The following KIF5C variants were observed in gnomAD, a reference collection of about 807,000 sequenced individuals.
KIF5C encodes the protein kinesin heavy chain isoform 5C.
Under a neutral mutation model 125.2 loss-of-function variants are expected in KIF5C, and 18 were observed. That is an observed-to-expected ratio of 0.14 (90% CI 0.10 to 0.21). KIF5C has a LOEUF of 0.21. Ranked by LOEUF, KIF5C falls within the 10% of genes least tolerant of loss-of-function variation. The probability of loss-of-function intolerance (pLI) is 1.00; values close to 1 mark genes in which losing one functional copy is unlikely to be tolerated. For synonymous variants in KIF5C, 405 were observed against 434.0 expected, an observed-to-expected ratio of 0.93 and a Z score of 0.83; for missense variants, 780 against 1,183.8, an observed-to-expected ratio of 0.66 and a Z score of 5.01.
chr2:148,949,658 A>G (rs1299871864), intron 8 of KIF5C, among the ~76,000 whole-genome samples, 181 bp from the exon 9 acceptor site: 1 of 152,192 alleles, frequency 6.6e-6, no homozygotes, highest in Non-Finnish European at 1.5e-5. Flanking sequence ...TGATGGCAGG[A>G]GAGACCAAAT....
chr2:148,931,451 A>G (rs1395366350), intron 3 of KIF5C, among the ~76,000 whole-genome samples: 2 of 151,870 alleles, frequency 1.3e-5, no homozygotes, highest in East Asian at 3.9e-4. Flanking sequence ...CACATAGGTC[A>G]GGAGTTCGAG....
At chr2:149,014,343 C>G (rs907915598) in intron 25 of KIF5C, among the ~76,000 whole-genome samples, 8 of 152,178 alleles carry the variant, frequency 5.3e-5, no homozygotes, top group African/African-American at 1.9e-4. Flanking sequence ...TGTTTCTTTA[C>G]TCAAAGTGTT....
At chr2:148,935,950 G>A (rs1486890855) in intron 3 of KIF5C, among the ~76,000 whole-genome samples, 3 of 152,162 alleles carry the variant, frequency 2.0e-5, no homozygotes, top group Non-Finnish European at 4.4e-5. Flanking sequence ...ATAGATAAGG[G>A]CATTCCAGAG....
intron 10 of KIF5C, among the ~76,000 whole-genome samples, chr2:148,956,998 A>G (rs535164915): frequency 2.4e-4 from 37 of 152,350 alleles, no homozygotes; most frequent in African/African-American, 8.7e-4. Flanking sequence ...TTGTTTCTCT[A>G]TATCAAAGAG....
chr2:148,904,440 A>G (rs976473497), intron 1 of KIF5C, among the ~76,000 whole-genome samples: 4 of 152,214 alleles, frequency 2.6e-5, no homozygotes, highest in African/African-American at 9.7e-5. Flanking sequence ...TGAACAGCAC[A>G]TATATGAGGA....
At chr2:148,988,109 A>G (rs949438872) in intron 15 of KIF5C, among the ~76,000 whole-genome samples, 5 of 151,854 alleles carry the variant, frequency 3.3e-5, no homozygotes, top group Admixed American at 6.6e-5. Context: ...TGGGGGCATT[A>G]TCAGACTCTG....
In KIF5C at chr2:148,949,831, T is replaced by C. The variant is rs373057800; in HGVS notation, c.715-8T>C. On this transcript the variant is annotated splice_region_variant and splice_polypyrimidine_tract_variant and intron_variant, in intron 8 of 25. Transcript: ENST00000435030. ...GTGCTGCTCACTGCTTTCTTTTCTC[T>C]CTGGTAGGTCAGCAAAACTGGTGCC... 1 of 1,613,446 alleles carries C rather than the reference T, an allele frequency of 6.2e-7. No homozygotes were observed. Among genetic ancestry groups the C allele is most frequent in the African/African-American group, 1.3e-5 (1 of 75,050 alleles).
intron 10 of KIF5C, among the ~76,000 whole-genome samples, chr2:148,956,448 G>A (rs1682794500): frequency 6.6e-6 from 1 of 152,144 alleles, no homozygotes; most frequent in Non-Finnish European, 1.5e-5. Flanking sequence ...TGTCCACTAG[G>A]CTTGGTCTGC....
chr2:148,902,280 T>C (rs1393496107), intron 1 of KIF5C, among the ~76,000 whole-genome samples: 1 of 152,094 alleles, frequency 6.6e-6, no homozygotes, highest in Non-Finnish European at 1.5e-5. Flanking sequence ...CCTGAATGGC[T>C]CAACAGGGGG....
chr2:148,949,360 T>A (rs1262618254), intron 8 of KIF5C, among the ~76,000 whole-genome samples: 4 of 152,222 alleles, frequency 2.6e-5, no homozygotes, highest in Non-Finnish European at 5.9e-5. Flanking sequence ...GGACTCTAGA[T>A]AACCAACCCT....
intron 1 of KIF5C, among the ~76,000 whole-genome samples, chr2:148,911,847 G>C (rs185172914): frequency 1.3e-5 from 2 of 152,152 alleles, no homozygotes; most frequent in East Asian, 3.9e-4. Context: ...TTGGATAGTA[G>C]GTTTAAACTA....
chr2:148,906,787 GC>G (rs1390560784), intron 1 of KIF5C, among the ~76,000 whole-genome samples: 1 of 152,092 alleles, frequency 6.6e-6, no homozygotes, highest in African/African-American at 2.4e-5. Flanking sequence ...GATTGCTTGA[GC>G]CCAGGGGGTT....
At chr2:148,992,582 T>C (rs73962804) in intron 16 of KIF5C, among the ~76,000 whole-genome samples, 4,615 of 152,298 alleles carry the variant, frequency 0.03, 256 homozygotes, top group African/African-American at 0.1. Flanking sequence ...TATGCAGCTC[T>C]TATAAAAAAT....
At chr2:148,980,077 A>G (rs1290351577) in intron 13 of KIF5C, among the ~76,000 whole-genome samples, 1 of 152,212 alleles carries the variant, frequency 6.6e-6, no homozygotes. Context: ...CCTCAATCCC[A>G]GGCCTCTGTA....
At chr2:149,019,877 C>A (rs1442829531) in intron 25 of KIF5C, among the ~76,000 whole-genome samples, 1 of 152,162 alleles carries the variant, frequency 6.6e-6, no homozygotes, top group South Asian at 2.1e-4. Flanking sequence ...CTTTCCCCAC[C>A]CCTTCTAAAG....
At chr2:148,932,603 AT>A (rs1449239708) in intron 3 of KIF5C, among the ~76,000 whole-genome samples, 1 of 152,166 alleles carries the variant, frequency 6.6e-6, no homozygotes, top group Non-Finnish European at 1.5e-5. Flanking sequence ...TCTGTGAGTG[AT>A]GCTGGGAAGG....
chr2:148,906,188 C>T (rs975539400), intron 1 of KIF5C, among the ~76,000 whole-genome samples: 1 of 152,084 alleles, frequency 6.6e-6, no homozygotes, highest in Non-Finnish European at 1.5e-5. Context: ...TCTTCTCTTG[C>T]CAGTAAATTC....
intron 11 of KIF5C, among the ~76,000 whole-genome samples, chr2:148,965,730 A>C (rs560390741): frequency 1.3e-5 from 2 of 152,204 alleles, no homozygotes; most frequent in Non-Finnish European, 2.9e-5. Context: ...GACAGGTCTG[A>C]AAACGTCCCC....
chr2:148,880,889 G>A (rs1252951295), intron 1 of KIF5C, among the ~76,000 whole-genome samples: 5 of 151,894 alleles, frequency 3.3e-5, no homozygotes, highest in African/African-American at 9.7e-5. Flanking sequence ...TGAATGGGGT[G>A]GGTAGAGGTA....
Sources: allele counts gnomAD v4.1 joint callset (sites outside exome capture counted in the v4.1 genomes callset), GRCh38; gene constraint gnomAD v4.1.1; transcripts MANE v1.5; gene names NCBI Gene and HGNC (gene_info 2026-07-23, HGNC 2026-07-21).